The following SI variants were observed in gnomAD, a reference collection of about 807,000 sequenced individuals.
SI encodes the protein sucrase-isomaltase, also known as sucrase-isomaltase, intestinal.
A neutral mutation model predicts 253.3 loss-of-function variants in SI; 235 were observed. The ratio of observed to expected loss-of-function variants is 0.93; its 90% confidence interval spans 0.83 to 1.03. The LOEUF (loss-of-function observed/expected upper bound fraction) is 1.03. SI is among the 50% of genes least tolerant of loss of function. SI has a pLI of 0.00. For missense variants in SI, 2,442 were observed against 2,211.1 expected (o/e 1.10, Z -2.09); for synonymous variants, 819 against 712.0 (o/e 1.15, Z -2.39).
At chr3:164,985,052 A>G (rs1717372710) in intron 45 of SI, among the ~76,000 whole-genome samples, 1 of 152,194 alleles carries the variant, frequency 6.6e-6, no homozygotes, top group Non-Finnish European at 1.5e-5. Flanking sequence ...ACAATTTTTT[A>G]TACTTGCATG....
Position 165,037,956 on chromosome 3 carries a change from A to T in SI, c.2370T>A (p.His790Gln). 1 of 1,611,564 alleles carries T rather than the reference A, an allele frequency of 6.2e-7. No homozygotes were observed. The highest frequency in any genetic ancestry group is 8.5e-7 in the Non-Finnish European group (1 of 1,178,440). ...MYLPADKIGL[H>Q]LRGGYIIPIQ... ...TGGGGATGATATAACCTCCTCTAAG[A>T]TGTAATCCTATTTTGTCTGCTGGAA... The change falls in exon 21 of 48, where the codon CAT (histidine) becomes CAA (glutamine). Residue 790 changes from histidine (H) to glutamine (Q), a missense_variant. His to Gln is a conservative substitution (Grantham distance 24, BLOSUM62 0). Coordinates refer to ENST00000264382, the MANE Select transcript of SI (RefSeq NM_001041.4).
chr3:165,075,031 T>A (rs549272280), intron 2 of SI, among the ~76,000 whole-genome samples: 22 of 152,014 alleles, frequency 1.4e-4, no homozygotes, highest in African/African-American at 5.3e-4. Context: ...ATGAAAAACA[T>A]ATAGAGAAGG....
At chr3:165,008,243 A>C (rs1347862799) in intron 35 of SI, among the ~76,000 whole-genome samples, 1 of 151,950 alleles carries the variant, frequency 6.6e-6, no homozygotes, top group Non-Finnish European at 1.5e-5. Context: ...TATACCCATA[A>C]AAATAGTTTA....
chr3:164,986,721 A>T (rs968879910), intron 45 of SI, among the ~76,000 whole-genome samples: 7 of 152,186 alleles, frequency 4.6e-5, no homozygotes, highest in African/African-American at 1.7e-4. Flanking sequence ...GACCCTTATG[A>T]TAAATGAGGA....
At chr3:165,089,249 A>C in the SI span, among the ~76,000 whole-genome samples, 1 of 151,860 alleles carries the variant, frequency 6.6e-6, no homozygotes, top group Non-Finnish European at 1.5e-5. Flanking sequence ...AAACTAATGA[A>C]AGAGCAAATA....
intron 47 of SI, among the ~76,000 whole-genome samples, chr3:164,981,722 T>C (rs1407619706): frequency 6.6e-6 from 1 of 152,072 alleles, no homozygotes; most frequent in African/African-American, 2.4e-5. Context: ...TTCTATTCAA[T>C]TGGATAGAAT....
At chr3:165,048,592 G>T (rs1184275148) in intron 15 of SI, among the ~76,000 whole-genome samples, 59 of 147,210 alleles carry the variant, frequency 4.0e-4, no homozygotes, top group African/African-American at 1.0e-3. Flanking sequence ...TATAGAGAGA[G>T]AGAGAGAGAG....
chr3:165,000,197 G>T lies in SI; in HGVS notation c.4407-1524C>A, dbSNP rs549779326. On this transcript the variant is annotated intron_variant, in intron 37 of 47. Transcript: ENST00000264382. Reference sequence around the variant, plus strand: ...AAATTCTTCACGTGTTCACATGAAAGAAAATTATGTTTCTGGAGGATTTCT... The same window carrying T: ...AAATTCTTCACGTGTTCACATGAAATAAAATTATGTTTCTGGAGGATTTCT... 4.7e-4 allele frequency among the ~76,000 whole-genome samples: 71 copies of T among 151,306 alleles called. 1 individual carries two copies. The highest frequency in any genetic ancestry group is 1.7e-3 in the African/African-American group (70 of 41,474).
intron 26 of SI, among the ~76,000 whole-genome samples, chr3:165,022,501 C>A (rs1014908552): frequency 1.1e-4 from 16 of 150,058 alleles, no homozygotes; most frequent in Non-Finnish European, 2.4e-4. Context: ...AACCTTTCTT[C>A]ACACACACAC....
Position 165,006,842 on chromosome 3 carries a change from T to C in SI, c.4380A>G (p.Gly1460=), listed in dbSNP as rs1304208834. ...VLHYDVHNLY[G]WSQMKPTHDA... ...CATGAGTAGGTTTCATCTGTGACCATCCATAGAGATTGTGAACATCGTAAT... is the reference window on the plus strand; with the variant it reads ...CATGAGTAGGTTTCATCTGTGACCACCCATAGAGATTGTGAACATCGTAAT... The change falls in exon 37 of 48, where the codon GGA becomes GGG. Residue 1460 remains glycine, a synonymous_variant. Transcript: ENST00000264382. The C allele has an allele frequency of 6.2e-6, 10 of 1,612,666 alleles. No homozygotes were observed. The highest frequency in any genetic ancestry group is 1.3e-5 in the African/African-American group (1 of 74,864).
intron 18 of SI, among the ~76,000 whole-genome samples, 166 bp from the exon 19 acceptor site, chr3:165,040,137 C>G (rs1320987674): frequency 6.6e-6 from 1 of 150,540 alleles, no homozygotes; most frequent in Non-Finnish European, 1.5e-5. Flanking sequence ...CTTTATTGTT[C>G]ATCTGACACT....
chr3:165,060,941 G>T (rs1332093011), intron 9 of SI, among the ~76,000 whole-genome samples: 1 of 149,024 alleles, frequency 6.7e-6, no homozygotes, highest in East Asian at 2.0e-4. Flanking sequence ...CAATCAAAAA[G>T]AAATTAATTA....
chr3:165,087,144 AAAAC>A, the SI span, among the ~76,000 whole-genome samples: 47 of 98,910 alleles, frequency 4.8e-4, no homozygotes, highest in Non-Finnish European at 8.4e-4. Context: ...TACACAAAAC[AAAAC>A]AAACAAACAA....
chr3:165,016,224 T>C, intron 31 of SI, 144 bp from the exon 32 acceptor site: 1 of 731,602 alleles, frequency 1.4e-6, no homozygotes. Flanking sequence ...AATGGTTTAG[T>C]GTTCAAGGAA....
rs538588886 is a variant in SI, at chr3:165,037,767, G to A, written c.2426+133C>T. On this transcript the variant is annotated intron_variant, in intron 21 of 47. Transcript: ENST00000264382. ...TCTTTTTATAGCTATGATGGTTATA[G>A]TTCAGTATTACCTCTGTATGTCAAA... 159 of 635,482 alleles carry A rather than the reference G, an allele frequency of 2.5e-4. 2 individuals are homozygous for A. The highest frequency in any genetic ancestry group is 2.4e-3 in the African/African-American group (134 of 55,348). 39.4% of individuals were successfully genotyped at this position (635,482 alleles called of 1,614,324 possible).
rs760055757 is a variant in SI, at chr3:165,032,658, T to G, written c.2600A>C (p.Tyr867Ser). The change falls in exon 24 of 48, where the codon TAT becomes TCT. Residue 867 changes from tyrosine to serine, a missense_variant. Tyr to Ser is a moderately radical substitution (Grantham distance 144, BLOSUM62 -2). Coordinates refer to ENST00000264382, the MANE Select transcript of SI (RefSeq NM_001041.4). ...TLDIVCTHSS[Y>S]QEGTTLAFQT... is the part of the protein sequence containing the mutation. ...AAATGCTAAGGTAGTTCCTTCCTGA[T>G]ATGATGAATGTGTGCACACAATATC... 69 of 1,607,160 alleles carry G rather than the reference T, an allele frequency of 4.3e-5. No homozygotes were observed. Among genetic ancestry groups the G allele is most frequent in the Non-Finnish European group, 5.7e-5 (67 of 1,175,134 alleles).
chr3:164,985,774 C>T (rs1429138639), intron 45 of SI, among the ~76,000 whole-genome samples: 1 of 152,004 alleles, frequency 6.6e-6, no homozygotes, highest in Non-Finnish European at 1.5e-5. Context: ...TAAACCTATC[C>T]TCTATCAGTG....
chr3:165,035,450 T>A (rs1712484493), intron 22 of SI, among the ~76,000 whole-genome samples: 1 of 151,826 alleles, frequency 6.6e-6, no homozygotes. Flanking sequence ...TAAATGAATG[T>A]TAACTGAGGG....
At chr3:165,045,196 C>T (rs1397376218) in intron 16 of SI, among the ~76,000 whole-genome samples, 1 of 152,026 alleles carries the variant, frequency 6.6e-6, no homozygotes, top group African/African-American at 2.4e-5. Flanking sequence ...TTTAGAGTCA[C>T]CTTTTATGTT....
Sources: gnomAD v4.1 joint callset for allele counts (sites outside exome capture counted in the v4.1 genomes callset) on GRCh38, gnomAD v4.1.1 for gene constraint, MANE v1.5 for transcripts, NCBI Gene and HGNC (gene_info 2026-07-23, HGNC 2026-07-21) for gene names.